Variants in SCPEP1 observed in about 807,000 individuals in gnomAD.
SCPEP1 encodes the protein retinoid-inducible serine carboxypeptidase.
A neutral mutation model predicts 63.8 loss-of-function variants in SCPEP1; 51 were observed. The observed-to-expected ratio is 0.80, with a 90% CI of 0.64 to 1.01. The LOEUF (loss-of-function observed/expected upper bound fraction) is 1.01. Ranked by LOEUF, SCPEP1 falls within the 50% of genes least tolerant of loss-of-function variation. The pLI, the probability that SCPEP1 is intolerant of heterozygous loss-of-function variation, is 0.00. For missense variants in SCPEP1, 499 were observed against 554.9 expected, an observed-to-expected ratio of 0.90 and a Z score of 1.01; for synonymous variants, 204 against 207.8, an observed-to-expected ratio of 0.98 and a Z score of 0.16.
At position 56,997,017 on chromosome 17, in the gene SCPEP1, C is replaced by T. The variant is rs746039956; in HGVS notation, c.842C>T (p.Thr281Ile). ...TTAACTAAAAGCACTCCCACGTCTA[C>T]AATGGAGTCGAGTCTAGAATTCACA... ...NILTKSTPTS[T>I]MESSLEFTQS... The change falls in exon 9 of 13, where the codon ACA becomes ATA. Residue 281 changes from threonine (T) to isoleucine (I), a missense_variant. Thr to Ile is a moderately conservative substitution (Grantham distance 89). Transcript: ENST00000262288. The T allele has an allele frequency of 4.3e-6, 7 of 1,609,610 alleles. No homozygotes were observed. In the South Asian group the frequency reaches 6.6e-5, roughly 15 times the overall value.
chr17:56,996,888 C>A, intron 8 of SCPEP1, 74 bp from the exon 9 acceptor site: 1 of 899,870 alleles, frequency 1.1e-6, no homozygotes, highest in Non-Finnish European at 1.7e-6. Flanking sequence ...GATAAAGAGC[C>A]ATGTGTCCTT....
Position 56,988,202 on chromosome 17 carries a change from C to A in SCPEP1, c.472-14C>A, listed in dbSNP as rs376455564. On this transcript the variant is annotated splice_polypyrimidine_tract_variant and intron_variant, in intron 4 of 12. Coordinates refer to ENST00000262288, the MANE Select transcript of SCPEP1 (RefSeq NM_021626.3). ...TCAAGGTAGTTAATTCTGTGTAATTCCTTTTCTTGCTAGACAGTTCCATTC... is the reference window on the plus strand; with the variant it reads ...TCAAGGTAGTTAATTCTGTGTAATTACTTTTCTTGCTAGACAGTTCCATTC... 1 of 1,542,180 alleles carries A rather than the reference C, an allele frequency of 6.5e-7. No homozygotes were observed. The highest frequency in any genetic ancestry group is 1.2e-5 in the South Asian group (1 of 84,578).
intron 4 of SCPEP1, 134 bp from the exon 5 acceptor site, chr17:56,988,082 T>C (rs1911277898): frequency 5.1e-6 from 4 of 778,226 alleles, no homozygotes; most frequent in South Asian, 3.7e-5. Context: ...TAATCAGATA[T>C]GGAGTGGTGG....
intron 3 of SCPEP1, among the ~76,000 whole-genome samples, chr17:56,986,837 G>A (rs1267983064): frequency 1.3e-5 from 2 of 152,212 alleles, no homozygotes; most frequent in African/African-American, 4.8e-5. Context: ...GAGCCACCGT[G>A]CGCGGCCTCT....
chr17:56,992,656 T>TA (rs772739220), intron 6 of SCPEP1, among the ~76,000 whole-genome samples: 8 of 152,204 alleles, frequency 5.3e-5, no homozygotes, highest in Non-Finnish European at 1.0e-4. Flanking sequence ...ATGTAATCCT[T>TA]ACAACAACTC....
intron 3 of SCPEP1, among the ~76,000 whole-genome samples, chr17:56,986,592 C>G (rs1239300406): frequency 6.6e-6 from 1 of 151,136 alleles, no homozygotes; most frequent in Non-Finnish European, 1.5e-5. Flanking sequence ...TTCGCCCAGG[C>G]CAGAGTGCAG....
Position 56,978,250 on chromosome 17 carries a change from G to T in SCPEP1, c.76+15G>T. ...CCTGAACGCAGGTAGGTTCAAGCAA[G>T]AGGCGCACCAGCTGCCATGCCTCTT... On this transcript the variant is annotated intron_variant, in intron 1 of 12. Transcript: ENST00000262288. 2.6e-6 allele frequency: 4 copies of T among 1,527,608 alleles called. No individual in the cohort carries two copies. In the South Asian group the frequency reaches 4.8e-5, roughly 18 times the overall value. The allele number at this position is 1,527,608 out of a possible 1,614,324, so 94.6% of individuals were successfully genotyped here. A position where few individuals can be genotyped will look rare whatever the true frequency, so the allele number is the denominator to read the frequency against.
In SCPEP1 at chr17:57,000,917, G is replaced by A. The variant is rs1333044775; in HGVS notation, c.1057G>A (p.Val353Met). 1.2e-6 allele frequency: 2 copies of A among 1,614,188 alleles called. No homozygotes were observed. ...CTTCATGAAGCCAGTCATTAGCATT[G>A]TGGACGAGTTGCTGGAGGCAGGGAT... ...EDFMKPVISI[V>M]DELLEAGINV... Residue 353 changes from valine to methionine, a missense_variant, in exon 11 of 13, where the codon GTG (valine) becomes ATG (methionine). Transcript: ENST00000262288.
chr17:56,979,579 T>C (rs1012682439), intron 1 of SCPEP1, among the ~76,000 whole-genome samples: 6 of 152,246 alleles, frequency 3.9e-5, no homozygotes, highest in African/African-American at 1.4e-4. Context: ...GCCTACTCTT[T>C]TCTAAAACAT....
chr17:57,002,874 CAAAA>C (rs59205865), intron 12 of SCPEP1, among the ~76,000 whole-genome samples: 7 of 107,102 alleles, frequency 6.5e-5, no homozygotes, highest in Admixed American at 9.9e-5. Context: ...GACCCTGTCT[CAAAA>C]AAAAAAAAAA....
intron 5 of SCPEP1, among the ~76,000 whole-genome samples, chr17:56,989,671 G>A (rs1428505751): frequency 1.3e-5 from 2 of 152,174 alleles, no homozygotes; most frequent in Admixed American, 6.5e-5. Context: ...ATCCAGGCGG[G>A]CGCGGTGGCT....
chr17:57,000,479 T>C (rs1197848723), intron 10 of SCPEP1, among the ~76,000 whole-genome samples: 1 of 152,180 alleles, frequency 6.6e-6, no homozygotes, highest in African/African-American at 2.4e-5. Context: ...GCCCTGGTGT[T>C]ACTCAAAAAA....
At chr17:56,991,201 A>T (rs762155694) in intron 6 of SCPEP1, 30 bp downstream of exon 6, 1 of 1,547,770 alleles carries the variant, frequency 6.5e-7, no homozygotes, top group East Asian at 2.2e-5. Flanking sequence ...GCATTTTTTC[A>T]CTCCCCTTTT....
At chr17:57,005,410 T>G (rs963261773) in intron 12 of SCPEP1, among the ~76,000 whole-genome samples, 3 of 152,172 alleles carry the variant, frequency 2.0e-5, no homozygotes, top group African/African-American at 7.2e-5. Flanking sequence ...AGACTGTTGT[T>G]AAGTCGTCCC....
At chr17:56,986,204 A>C (rs1191935859) in intron 3 of SCPEP1, among the ~76,000 whole-genome samples, 1 of 150,242 alleles carries the variant, frequency 6.7e-6, no homozygotes, top group African/African-American at 2.4e-5. Flanking sequence ...CTCGCATTAG[A>C]AGCTAAGCTT....
At chr17:56,996,078 T>C (rs958952064) in intron 8 of SCPEP1, among the ~76,000 whole-genome samples, 1 of 152,156 alleles carries the variant, frequency 6.6e-6, no homozygotes, top group African/African-American at 2.4e-5. Flanking sequence ...GTTTTTTCCC[T>C]GCAGGGCCTG....
chr17:57,001,099 G>A (rs1007741373), intron 11 of SCPEP1, 107 bp downstream of exon 11: 63 of 1,171,922 alleles, frequency 5.4e-5, no homozygotes, highest in Non-Finnish European at 7.5e-5. Context: ...TGAAATGCCA[G>A]GTGGAAGGCC....
At chr17:56,997,784 G>A (rs1911612183) in intron 9 of SCPEP1, among the ~76,000 whole-genome samples, 1 of 151,334 alleles carries the variant, frequency 6.6e-6, no homozygotes, top group African/African-American at 2.4e-5. Context: ...TAAGAGATAA[G>A]GTTTCACTCT....
intron 6 of SCPEP1, among the ~76,000 whole-genome samples, chr17:56,994,061 G>A (rs1023369882): frequency 6.6e-6 from 1 of 152,214 alleles, no homozygotes; most frequent in Admixed American, 6.5e-5. Context: ...TCCAGGCCAG[G>A]TGTAGTGGCT....
Sources: allele counts gnomAD v4.1 joint callset (sites outside exome capture counted in the v4.1 genomes callset), GRCh38; gene constraint gnomAD v4.1.1; transcripts MANE v1.5; gene names NCBI Gene and HGNC (gene_info 2026-07-23, HGNC 2026-07-21).